TACC3: variants seen among roughly 807,000 people sequenced by gnomAD.
TACC3 encodes transforming acidic coiled-coil-containing protein 3.
A neutral mutation model predicts 86.0 loss-of-function variants in TACC3; 52 were observed. That is an observed-to-expected ratio of 0.60 (90% CI 0.48 to 0.76). The LOEUF is 0.76. Ranked by LOEUF, TACC3 falls within the 30% of genes least tolerant of loss-of-function variation. The probability of loss-of-function intolerance (pLI) is 0.00; values close to 1 mark genes in which losing one functional copy is unlikely to be tolerated. For missense variants in TACC3, 1,120 were observed against 1,070.4 expected (o/e 1.05, Z -0.65); for synonymous variants, 512 against 430.0 (o/e 1.19, Z -2.36).
chr4:1,726,013 T>TA (rs1405439698), intron 3 of TACC3, among the ~76,000 whole-genome samples: 1 of 152,120 alleles, frequency 6.6e-6, no homozygotes, highest in African/African-American at 2.4e-5. Flanking sequence ...ATGGGCCCCT[T>TA]ATCTGAGGCA....
chr4:1,741,594 G>C (rs367948777), intron 13 of TACC3: 1 of 152,394 alleles, frequency 6.6e-6, no homozygotes, highest in African/African-American at 2.4e-5. Context: ...ATGTTGGAGC[G>C]GAGGTGCTCA....
chr4:1,728,410 A>T lies in TACC3; in HGVS notation c.1008A>T (p.Val336=), dbSNP rs758919965. 5.6e-6 allele frequency: 9 copies of T among 1,613,324 alleles called. No homozygotes were observed. Residue 336 remains valine (V), a synonymous_variant, in exon 4 of 16, where the codon GTA becomes GTT. Transcript: ENST00000313288. The stretch of plus-strand genomic sequence containing the variant: ...CCAGCTCCTCGAGGAGCGGACCTGT[A>T]AAACTAGAATTTGATGTATCTGATG... ...QMASSSRSGP[V]KLEFDVSDGA...
At position 1,721,630 on chromosome 4, in the gene TACC3, G is replaced by A. The variant is rs1340261697; in HGVS notation, c.-15G>A. 6.6e-6 allele frequency: 1 copy of A among 152,372 alleles called. No individual in the cohort carries two copies. Among genetic ancestry groups the A allele is most frequent in the Non-Finnish European group, 1.5e-5 (1 of 68,300 alleles). 9.4% of individuals were successfully genotyped at this position (152,372 alleles called of 1,614,324 possible). On this transcript the variant is annotated 5_prime_UTR_variant, in exon 1 of 16. Transcript: ENST00000313288. ...CGGCGCGGGCTCAGAGCCCGGCAACGGGCGGGCGGGCAGGTAGGAGAGCGG... is the reference window on the plus strand; with the variant it reads ...CGGCGCGGGCTCAGAGCCCGGCAACAGGCGGGCGGGCAGGTAGGAGAGCGG...
Position 1,735,222 on chromosome 4 carries a change from C to G in TACC3, c.1592-51C>G, listed in dbSNP as rs778771303. ...CTGAGGGAGACACCAGCCCGCCGCC[C>G]TTAGGGCCCTGGTGAGGGGCGATGG... On this transcript the variant is annotated intron_variant, in intron 6 of 15. Coordinates refer to ENST00000313288, the MANE Select transcript of TACC3 (RefSeq NM_006342.3). This position sits in a 1 kb window ranked among gnomAD's most constrained non-coding sequence, Gnocchi z 4.2. The G allele has an allele frequency of 1.9e-6, 3 of 1,612,192 alleles. No homozygotes were observed. The African/African-American group carries it at 4.0e-5, about 22-fold the overall frequency.
rs1718771319 is a variant in TACC3 at position 1,744,853 on chromosome 4, T to C, written c.2451+21T>C. 4 of 1,612,880 alleles carry C rather than the reference T, an allele frequency of 2.5e-6. No homozygotes were observed. The East Asian group carries it at 8.9e-5, about 36-fold the overall frequency. On this transcript the variant is annotated intron_variant, in intron 15 of 15. Transcript: ENST00000313288. ...AGAAGGTGGGTGCGGGAAGCCCAGC[T>C]CAAGGGGCCGTCTGGCAGCACCTTC...
At chr4:1,724,704 C>G (rs566203142) in intron 3 of TACC3, among the ~76,000 whole-genome samples, 6 of 152,064 alleles carry the variant, frequency 3.9e-5, no homozygotes, top group African/African-American at 1.4e-4. Flanking sequence ...TCATCTGCAT[C>G]CAGGGTGGGA....
In TACC3 at chr4:1,741,246, G is replaced by A. The variant is rs550098651; in HGVS notation, c.2223+260G>A. 5.1e-5 allele frequency: 18 copies of A among 351,854 alleles called. 1 individual carries two copies. The South Asian group carries it at 7.9e-4, about 15-fold the overall frequency. 21.8% of individuals were successfully genotyped at this position (351,854 alleles called of 1,614,324 possible). A position where few individuals can be genotyped will look rare whatever the true frequency, so the allele number is the denominator to read the frequency against. On this transcript the variant is annotated intron_variant, in intron 13 of 15. Coordinates refer to ENST00000313288, the MANE Select transcript of TACC3 (RefSeq NM_006342.3). ...TCCGCTGTTGTGTGACAGACGACTC[G>A]GCTATGATCAGGCATCTGTGAGATT...
intron 13 of TACC3, chr4:1,741,729 C>T (rs1718609858): frequency 6.6e-6 from 1 of 152,260 alleles, no homozygotes; most frequent in African/African-American, 2.4e-5. Flanking sequence ...AAAAGCGGCC[C>T]TTGCAGGGCC....
intron 3 of TACC3, among the ~76,000 whole-genome samples, chr4:1,725,124 G>T (rs529259165): frequency 9.2e-5 from 14 of 151,826 alleles, no homozygotes; most frequent in African/African-American, 3.1e-4. Context: ...TAAATATGGG[G>T]TTTATCCGTG....
Position 1,737,450 on chromosome 4 carries a change from C to T in TACC3, c.1836+122C>T, listed in dbSNP as rs937344243. 41 of 1,146,126 alleles carry T rather than the reference C, an allele frequency of 3.6e-5. No individual in the cohort carries two copies. In the Middle Eastern group the frequency reaches 1.7e-3, roughly 48 times the overall value. The allele number at this position is 1,146,126 out of a possible 1,614,324, so 71.0% of individuals were successfully genotyped here. A position where few individuals can be genotyped will look rare whatever the true frequency, so the allele number is the denominator to read the frequency against. Reference sequence around the variant, plus strand: ...TTTGGTTTTGTTGGGGGCATGGGGCCGCTGTGCTGTTCCCTCGCCGCACTG... The same window carrying T: ...TTTGGTTTTGTTGGGGGCATGGGGCTGCTGTGCTGTTCCCTCGCCGCACTG... On this transcript the variant is annotated intron_variant, in intron 9 of 15. Transcript: ENST00000313288.
rs2108707894 is a variant in TACC3, at chr4:1,737,132, GT to G, written c.1749-105del. On this transcript the variant is annotated intron_variant, in intron 8 of 15. Coordinates refer to ENST00000313288, the MANE Select transcript of TACC3 (RefSeq NM_006342.3). ...TTCTACCACTACCCTGACTTGAGTG[GT>G]TTTAAACTAAAAAGCAAAGAGCCCG... The G allele has an allele frequency of 2.0e-5, 18 of 891,850 alleles. No homozygotes were observed. The South Asian group carries it at 2.7e-4, about 13-fold the overall frequency. The allele number at this position is 891,850 out of a possible 1,614,324, so 55.2% of individuals were successfully genotyped here.
At chr4:1,734,075 A>T (rs1718136375) in intron 6 of TACC3, among the ~76,000 whole-genome samples, 2 of 152,202 alleles carry the variant, frequency 1.3e-5, no homozygotes, top group African/African-American at 4.8e-5. Flanking sequence ...TTTTAGCTTA[A>T]TTGAGAAAAG....
At chr4:1,720,792 C>T (rs868168700), upstream of TACC3, 2 of 1,595,668 alleles carry the variant, frequency 1.3e-6, no homozygotes, top group Admixed American at 1.7e-5. This position sits in a 1 kb window ranked among gnomAD's most constrained non-coding sequence, Gnocchi z 4.4. Context: ...AAGCACACGG[C>T]GAACACCAGA....
In TACC3 at chr4:1,737,227, CT is replaced by C; in HGVS notation, c.1749-13del. On this transcript the variant is annotated splice_polypyrimidine_tract_variant and intron_variant, in intron 8 of 15. Transcript: ENST00000313288. The stretch of plus-strand genomic sequence containing the variant: ...GAGGGCCTAGTGACTGAGGCTGCCT[CT>C]GCTTGGTGGCAGCATGCACGGTGCA... 1 of 1,613,212 alleles carries C rather than the reference CT, an allele frequency of 6.2e-7. No homozygotes were observed. Among genetic ancestry groups the C allele is most frequent in the Non-Finnish European group, 8.5e-7 (1 of 1,179,400 alleles).
chr4:1,730,462 C>CT (rs1186070464), intron 4 of TACC3: 2 of 328,892 alleles, frequency 6.1e-6, no homozygotes, highest in Non-Finnish European at 1.2e-5. Context: ...TATAACTATT[C>CT]TTATTCTGTA....
chr4:1,727,623 TTAAAC>T (rs1717753884), intron 3 of TACC3, 80 bp from the exon 4 acceptor site: 30 of 1,516,850 alleles, frequency 2.0e-5, no homozygotes, highest in Non-Finnish European at 2.6e-5. Context: ...TGTGAGAATG[TTAAAC>T]CTATGTTGAG....
At chr4:1,725,749 G>A (rs1459413404) in intron 3 of TACC3, among the ~76,000 whole-genome samples, 1 of 152,216 alleles carries the variant, frequency 6.6e-6, no homozygotes, top group East Asian at 1.9e-4. Flanking sequence ...TCTCCTTTCT[G>A]GAACTCTGCT....
At chr4:1,729,246 G>A (rs954621598) in intron 4 of TACC3, among the ~76,000 whole-genome samples, 7 of 152,166 alleles carry the variant, frequency 4.6e-5, no homozygotes, top group African/African-American at 1.4e-4. Context: ...GAGTTGCTCA[G>A]TGGGAGATTG....
intron 10 of TACC3, 99 bp downstream of exon 10, chr4:1,737,801 GCCATCCCT>G: frequency 1.0e-6 from 1 of 980,418 alleles, no homozygotes; most frequent in Non-Finnish European, 1.5e-6. Context: ...CGCCATCCCT[GCCATCCCT>G]GCCCCTGCTG....
Sources: gnomAD v4.1 joint callset for allele counts (sites outside exome capture counted in the v4.1 genomes callset) on GRCh38, gnomAD v4.1.1 for gene constraint, Gnocchi (gnomAD v3.1) non-coding constraint, MANE v1.5 for transcripts, NCBI Gene and HGNC (gene_info 2026-07-23, HGNC 2026-07-21) for gene names.